The following CDH7 variants were observed in gnomAD, a reference collection of about 807,000 sequenced individuals.
CDH7 encodes cadherin-7.
A neutral mutation model predicts 71.8 loss-of-function variants in CDH7; 25 were observed. The ratio of observed to expected loss-of-function variants is 0.35; its 90% CI spans 0.25 to 0.49. The LOEUF (loss-of-function observed/expected upper bound fraction) is 0.49, where lower values mean the gene tolerates loss of function less well. Ranked by LOEUF, CDH7 falls within the 20% of genes least tolerant of loss-of-function variation. CDH7 has a pLI of 0.99. For synonymous variants in CDH7, 381 were observed against 363.8 expected (o/e 1.05, Z -0.54); for missense variants, 862 against 974.6 (o/e 0.88, Z 1.54).
In CDH7 at chr18:65,880,831, G is replaced by A. The variant is rs1412732952; in HGVS notation, c.2295G>A (p.Trp765Ter). 1 of 1,614,062 alleles carries A rather than the reference G, an allele frequency of 6.2e-7. No individual in the cohort carries two copies. The highest frequency in any genetic ancestry group is 1.7e-5 in the Admixed American group (1 of 59,994). Residue 765 changes from tryptophan (W) to a stop codon, truncating the protein, a stop_gained, in exon 12 of 12, where the codon TGG becomes TGA. Coordinates refer to ENST00000397968, the MANE Select transcript of CDH7 (RefSeq NM_004361.5). LOFTEE classifies it high-confidence loss of function. ...SDQNYDYLSD[W>*]GPRFKRLADM... is the part of the protein sequence containing the mutation. ...AGAACTATGACTACCTAAGTGACTG[G>A]GGACCTCGCTTTAAACGACTCGCGG...
chr18:65,782,024 T>C lies in CDH7; in HGVS notation c.210+18972T>C, dbSNP rs866905939. Among the ~76,000 whole-genome samples, 451 of 75,782 alleles carry C rather than the reference T, an allele frequency of 6.0e-3. 49 individuals carry two copies. The highest frequency in any genetic ancestry group is 0.013 in the African/African-American group (131 of 10,418). The allele number at this position is 75,782 out of a possible 152,430, so 49.7% of individuals were successfully genotyped here. The stretch of plus-strand genomic sequence containing the variant: ...TCTCTTTCTCTCTTTCTCTCTCTCT[T>C]TCTCCCTTCCTTCCTTCCTTCCTTC... On this transcript the variant is annotated intron_variant, in intron 2 of 11. Transcript: ENST00000397968.
At chr18:65,762,623 C>T (rs1181652725) in intron 1 of CDH7, 24 bp from the exon 2 acceptor site, 4 of 409,984 alleles carry the variant, frequency 9.8e-6, no homozygotes, top group Non-Finnish European at 1.3e-5. Context: ...TTCCTGACAC[C>T]AGCTCTTCTC....
At chr18:65,880,290 C>T (rs1212051776) in intron 11 of CDH7, 111 bp from the exon 12 acceptor site, 2 of 1,144,634 alleles carry the variant, frequency 1.7e-6, no homozygotes, top group Non-Finnish European at 2.4e-6. Flanking sequence ...CAATTCATTT[C>T]TCTTTAAAGG....
chr18:65,785,909 C>G (rs1314777483), intron 2 of CDH7, among the ~76,000 whole-genome samples: 1 of 151,956 alleles, frequency 6.6e-6, no homozygotes, highest in Non-Finnish European at 1.5e-5. Flanking sequence ...ATATGTTAAC[C>G]AGCATATTAT....
rs1202284733 is a variant in CDH7, at chr18:65,876,362, C to G, written c.1865-4039C>G. On this transcript the variant is annotated intron_variant, in intron 11 of 11. Transcript: ENST00000397968. ...GACATCTTCTCCCCTATCTTCCTCTCCTTGGTCCAGTAAGAATGATTTTTA... is the reference window on the plus strand; with the variant it reads ...GACATCTTCTCCCCTATCTTCCTCTGCTTGGTCCAGTAAGAATGATTTTTA... 3.9e-5 allele frequency among the ~76,000 whole-genome samples: 6 copies of G among 152,172 alleles called. No individual in the cohort carries two copies. In the East Asian group the frequency reaches 1.2e-3, roughly 29 times the overall value.
intron 2 of CDH7, among the ~76,000 whole-genome samples, chr18:65,763,395 G>A (rs1175948056): frequency 6.6e-6 from 1 of 152,164 alleles, no homozygotes; most frequent in Non-Finnish European, 1.5e-5. Context: ...ATGAAGAGTA[G>A]TGGGTTCTTA....
chr18:65,753,314 G>T (rs927701328), intron 1 of CDH7, among the ~76,000 whole-genome samples: 1 of 152,186 alleles, frequency 6.6e-6, no homozygotes, highest in African/African-American at 2.4e-5. Context: ...AGATCTTTCA[G>T]AAATAATTTA....
intron 7 of CDH7, among the ~76,000 whole-genome samples, chr18:65,848,483 T>G (rs2144003822): frequency 6.6e-6 from 1 of 152,322 alleles, no homozygotes; most frequent in Admixed American, 6.5e-5. Context: ...CCAAGTTCAC[T>G]GGCTGTGAGA....
intron 1 of CDH7, among the ~76,000 whole-genome samples, chr18:65,758,559 C>A (rs1916099599): frequency 6.6e-6 from 1 of 152,156 alleles, no homozygotes; most frequent in Non-Finnish European, 1.5e-5. Flanking sequence ...ATGACAGAGA[C>A]ACTTATCTCA....
Position 65,824,660 on chromosome 18 carries a change from C to G in CDH7, c.810C>G (p.Asn270Lys). 1 of 1,577,262 alleles carries G rather than the reference C, an allele frequency of 6.3e-7. No individual in the cohort carries two copies. Among genetic ancestry groups the G allele is most frequent in the Non-Finnish European group, 8.6e-7 (1 of 1,160,222 alleles). ...ATTTCACAGGGTCTTATCAATATAACGTCCCAGAGTCATTACCTGTAGCCT... is the reference window on the plus strand; with the variant it reads ...ATTTCACAGGGTCTTATCAATATAAGGTCCCAGAGTCATTACCTGTAGCCT... ...PRFPRRSYQY[N>K]VPESLPVASV... Residue 270 changes from asparagine (N) to lysine (K), a missense_variant, in exon 6 of 12, where the codon AAC becomes AAG. By Grantham distance (94) the Asn-to-Lys change is moderately conservative. Coordinates refer to ENST00000397968, the MANE Select transcript of CDH7 (RefSeq NM_004361.5).
rs928745004 is a variant in CDH7, at chr18:65,797,150, C to A, written c.211-12554C>A. ...CAATATGCAAAAACAAAAACAACAA[C>A]AGCAACAACAACAAAATCATGGCCA... On this transcript the variant is annotated intron_variant, in intron 2 of 11. Transcript: ENST00000397968. Among the ~76,000 whole-genome samples the A allele has an allele frequency of 2.0e-5, 3 of 152,092 alleles. No homozygotes were observed. The South Asian group carries it at 6.2e-4, about 32-fold the overall frequency.
At chr18:65,784,927 G>A (rs1910457654) in intron 2 of CDH7, among the ~76,000 whole-genome samples, 1 of 152,062 alleles carries the variant, frequency 6.6e-6, no homozygotes, top group Non-Finnish European at 1.5e-5. Context: ...GTCCTTGTAA[G>A]CCATTAAAAC....
intron 11 of CDH7, among the ~76,000 whole-genome samples, chr18:65,872,056 C>CA (rs1456902202): frequency 6.6e-6 from 1 of 151,882 alleles, no homozygotes; most frequent in Admixed American, 6.6e-5. Context: ...AGAGTGGCTA[C>CA]AAAAAAACAT....
intron 2 of CDH7, among the ~76,000 whole-genome samples, chr18:65,782,107 C>T (rs145550363): frequency 0.015 from 366 of 25,146 alleles, 22 homozygotes; most frequent in Non-Finnish European, 0.017. Context: ...TCCTTCCTTC[C>T]TTCTTTCTTT....
rs767686297 is a variant in CDH7, at chr18:65,822,246, G to T, written c.791G>T (p.Arg264Leu). The T allele has an allele frequency of 6.2e-7, 1 of 1,603,376 alleles. No individual in the cohort carries two copies. Among genetic ancestry groups the T allele is most frequent in the African/African-American group, 1.3e-5 (1 of 74,712 alleles). Residue 264 changes from arginine (R) to leucine (L), a missense_variant and splice_region_variant, in exon 5 of 12, where the codon CGA (arginine) becomes CTA (leucine). Arg to Leu is a moderately radical substitution (Grantham distance 102). Transcript: ENST00000397968. ...AACGATAATCCACCTCGCTTTCCTC[G>T]AAGTAAGTTGTTTTCTTAAGTGACA... Reference protein sequence around the residue: ...DVNDNPPRFPRRSYQYNVPES... With the variant: ...DVNDNPPRFPLRSYQYNVPES...
At position 65,824,836 on chromosome 18, in the gene CDH7, T is replaced by C; in HGVS notation, c.981+5T>C. The C allele has an allele frequency of 6.4e-7, 1 of 1,572,580 alleles. No homozygotes were observed. Among genetic ancestry groups the C allele is most frequent in the Non-Finnish European group, 8.7e-7 (1 of 1,153,234 alleles). On this transcript the variant is annotated splice_donor_5th_base_variant and intron_variant, in intron 6 of 11. Coordinates refer to ENST00000397968, the MANE Select transcript of CDH7 (RefSeq NM_004361.5). Reference sequence around the variant, plus strand: ...GGAATCATTACTATACAGAAGGTAATGTTTTCTTTATTTATCTTTTATCAC... The same window carrying C: ...GGAATCATTACTATACAGAAGGTAACGTTTTCTTTATTTATCTTTTATCAC...
chr18:65,750,730 T>TC (rs1915840380), upstream of CDH7: 1 of 152,580 alleles, frequency 6.6e-6, no homozygotes, highest in Non-Finnish European at 1.5e-5. Context: ...CCGCCCACCA[T>TC]CGTCGCCCTC....
chr18:65,827,636 C>T (rs542751362), intron 6 of CDH7, among the ~76,000 whole-genome samples: 5 of 151,890 alleles, frequency 3.3e-5, no homozygotes, highest in South Asian at 2.1e-4. Flanking sequence ...AAGGGGATTG[C>T]GCAAACTTGC....
chr18:65,823,073 T>C (rs1911994981), intron 5 of CDH7, among the ~76,000 whole-genome samples: 1 of 151,938 alleles, frequency 6.6e-6, no homozygotes. Context: ...CTAAACTCCC[T>C]ACCAACAGAA....
Sources: gnomAD v4.1 joint callset for allele counts (sites outside exome capture counted in the v4.1 genomes callset) on GRCh38, gnomAD v4.1.1 for gene constraint, MANE v1.5 for transcripts, NCBI Gene and HGNC (gene_info 2026-07-23, HGNC 2026-07-21) for gene names.